The following TRPM6 variants were observed in gnomAD, a reference collection of about 807,000 sequenced individuals.
The protein encoded by TRPM6 is transient receptor potential cation channel subfamily M member 6, also known as channel kinase 2.
TRPM6 carries 111 observed loss-of-function variants against 247.6 expected under a neutral mutation model. That is an observed-to-expected ratio of 0.45 (90% CI 0.38 to 0.52). The LOEUF is 0.52. Ranked by LOEUF, TRPM6 falls within the 20% of genes least tolerant of loss-of-function variation. The pLI, the probability that TRPM6 is intolerant of heterozygous loss-of-function variation, is 0.00. For synonymous variants in TRPM6, 892 were observed against 853.8 expected, an observed-to-expected ratio of 1.04 and a Z score of -0.78; for missense variants, 2,126 against 2,421.5, an observed-to-expected ratio of 0.88 and a Z score of 2.56.
chr9:74,881,586 C>T (rs1831365887), intron 1 of TRPM6, among the ~76,000 whole-genome samples: 1 of 152,026 alleles, frequency 6.6e-6, no homozygotes, highest in African/African-American at 2.4e-5. Flanking sequence ...ACCAAATGGA[C>T]CTAATAAATA....
At chr9:74,735,625 A>C (rs1390415370) in intron 36 of TRPM6, among the ~76,000 whole-genome samples, 2 of 152,184 alleles carry the variant, frequency 1.3e-5, no homozygotes, top group African/African-American at 4.8e-5. Flanking sequence ...CAATGAGCTA[A>C]AAAAATGCTA....
intron 28 of TRPM6, among the ~76,000 whole-genome samples, chr9:74,752,855 G>A: frequency 6.6e-6 from 1 of 152,280 alleles, no homozygotes; most frequent in African/African-American, 2.4e-5. Flanking sequence ...GCTCACACCT[G>A]TAATCCCAAC....
chr9:74,762,039 G>T lies in TRPM6; in HGVS notation c.4632C>A (p.Phe1544Leu). The T allele has an allele frequency of 6.2e-7, 1 of 1,614,008 alleles. No individual in the cohort carries two copies. The highest frequency in any genetic ancestry group is 8.5e-7 in the Non-Finnish European group (1 of 1,179,986). The change falls in exon 26 of 39, where the codon TTC (phenylalanine) becomes TTA (leucine). Residue 1544 changes from phenylalanine (F) to leucine (L), a missense_variant. Phe to Leu is a conservative substitution (Grantham distance 22). Coordinates refer to ENST00000360774, the MANE Select transcript of TRPM6 (RefSeq NM_017662.5). ...TCTTCATCAATTTCTCCTCCTTATG[G>T]AATCTAAAACTATGACTCCTAGCGA... ...RPFARSHSFR[F>L]HKEEKLMKIC...
chr9:74,858,320 G>A (rs943543529), intron 2 of TRPM6, among the ~76,000 whole-genome samples: 1 of 152,234 alleles, frequency 6.6e-6, no homozygotes, highest in Non-Finnish European at 1.5e-5. Context: ...CCAGGAGGTG[G>A]AGGTTGCAGT....
chr9:74,836,070 T>C (rs901051848), intron 5 of TRPM6, among the ~76,000 whole-genome samples: 2 of 152,314 alleles, frequency 1.3e-5, no homozygotes, highest in African/African-American at 4.8e-5. Flanking sequence ...CAATGATGTA[T>C]ATCCACCATG....
At chr9:74,875,152 C>G (rs796587687) in intron 1 of TRPM6, 16 of 411,742 alleles carry the variant, frequency 3.9e-5, no homozygotes, top group African/African-American at 3.3e-4. Context: ...ATTTTTAAAA[C>G]CACCATCATC....
At chr9:74,787,140 G>C (rs1418536322) in intron 20 of TRPM6, among the ~76,000 whole-genome samples, 1 of 152,144 alleles carries the variant, frequency 6.6e-6, no homozygotes, top group Non-Finnish European at 1.5e-5. Flanking sequence ...TTCAAGACCA[G>C]CCTGGCCAAC....
chr9:74,858,559 A>G, intron 2 of TRPM6, 110 bp downstream of exon 2: 1 of 648,938 alleles, frequency 1.5e-6, no homozygotes, highest in Non-Finnish European at 2.6e-6. Context: ...TGAAAATTCT[A>G]ACTTTATAGA....
At position 74,744,163 on chromosome 9, in the gene TRPM6, A is replaced by T. The variant is rs1350805854; in HGVS notation, c.5084-18T>A. 1 of 1,613,148 alleles carries T rather than the reference A, an allele frequency of 6.2e-7. No individual in the cohort carries two copies. Among genetic ancestry groups the T allele is most frequent in the Admixed American group, 1.7e-5 (1 of 60,004 alleles). ...TGAGATCTCTGAAATTAGAGAGGAG[A>T]TTGGCATTTTAATTACATGGCTGGA... On this transcript the variant is annotated intron_variant, in intron 31 of 38. Coordinates refer to ENST00000360774, the MANE Select transcript of TRPM6 (RefSeq NM_017662.5).
chr9:74,878,624 A>C (rs916158367), intron 1 of TRPM6, among the ~76,000 whole-genome samples: 4 of 152,212 alleles, frequency 2.6e-5, no homozygotes, highest in African/African-American at 7.2e-5. Context: ...TCTTCAGAAT[A>C]CAATCCCCCC....
At chr9:74,819,361 A>G (rs965982495) in intron 9 of TRPM6, among the ~76,000 whole-genome samples, 1 of 152,004 alleles carries the variant, frequency 6.6e-6, no homozygotes, top group Non-Finnish European at 1.5e-5. Flanking sequence ...TTTTGTTCAT[A>G]GGCTGGCCAT....
At chr9:74,867,025 T>C (rs943053851) in intron 1 of TRPM6, among the ~76,000 whole-genome samples, 2 of 152,218 alleles carry the variant, frequency 1.3e-5, no homozygotes, top group Non-Finnish European at 1.5e-5. Context: ...GAGCACTGTC[T>C]TATGTTTTTG....
intron 33 of TRPM6, among the ~76,000 whole-genome samples, 169 bp from the exon 34 acceptor site, chr9:74,740,178 T>C (rs544230806): frequency 1.3e-5 from 2 of 152,298 alleles, no homozygotes; most frequent in Non-Finnish European, 2.9e-5. Flanking sequence ...TGGCCATGTT[T>C]CCATGTTATT....
chr9:74,886,385 C>G (rs527951992), intron 1 of TRPM6, among the ~76,000 whole-genome samples: 1 of 152,294 alleles, frequency 6.6e-6, no homozygotes, highest in African/African-American at 2.4e-5. Flanking sequence ...AATCTGTATA[C>G]AGGGGGAAAG....
At position 74,776,112 on chromosome 9, in the gene TRPM6, T is replaced by A. The variant is rs766950413; in HGVS notation, c.3210-36A>T. 4 of 1,562,478 alleles carry A rather than the reference T, an allele frequency of 2.6e-6. No individual in the cohort carries two copies. In the Middle Eastern group the frequency reaches 5.0e-4, roughly 196 times the overall value. ...AAGTAAGAGAGGGACAATGTTTTAA[T>A]ATGAAGTCTTGAAAGGTAACAGAGT... On this transcript the variant is annotated intron_variant, in intron 23 of 38. Coordinates refer to ENST00000360774, the MANE Select transcript of TRPM6 (RefSeq NM_017662.5).
In TRPM6 at chr9:74,755,338, G is replaced by T. The variant is rs533569618; in HGVS notation, c.4906+15C>A. The T allele has an allele frequency of 1.9e-6, 3 of 1,613,840 alleles. No homozygotes were observed. Among genetic ancestry groups the T allele is most frequent in the South Asian group, 1.1e-5 (1 of 91,078 alleles). The stretch of plus-strand genomic sequence containing the variant: ...ACCAGGGTTTTTGGGATCCAAAATT[G>T]TAGATGTTACATACCTGTGTGACTA... On this transcript the variant is annotated intron_variant, in intron 28 of 38. Transcript: ENST00000360774.
At position 74,834,090 on chromosome 9, in the gene TRPM6, A is replaced by C. The variant is rs776838239; in HGVS notation, c.577T>G (p.Ser193Ala). 18 of 1,613,994 alleles carry C rather than the reference A, an allele frequency of 1.1e-5. No individual in the cohort carries two copies. The highest frequency in any genetic ancestry group is 1.4e-5 in the Non-Finnish European group (17 of 1,179,988). The change falls in exon 6 of 39, where the codon TCC becomes GCC. Residue 193 changes from serine (S) to alanine (A), a missense_variant. Ser to Ala is a moderately conservative substitution (Grantham distance 99). Transcript: ENST00000360774. ...TTTCTCAAGGAATGAGAGGAATGGGATTTCAAGGCATCCCCAACATGCTTG... is the reference window on the plus strand; with the variant it reads ...TTTCTCAAGGAATGAGAGGAATGGGCTTTCAAGGCATCCCCAACATGCTTG... ...VSKHVGDALK[S>A]HSSHSLRKIW...
intron 29 of TRPM6, among the ~76,000 whole-genome samples, chr9:74,751,602 A>C: frequency 6.6e-6 from 1 of 152,246 alleles, no homozygotes; most frequent in East Asian, 1.9e-4. Flanking sequence ...GGTTAAGCTA[A>C]CTATTCACAC....
intron 13 of TRPM6, among the ~76,000 whole-genome samples, chr9:74,809,648 T>C (rs371373934): frequency 6.6e-6 from 1 of 152,046 alleles, no homozygotes; most frequent in Non-Finnish European, 1.5e-5. Context: ...ACAAACTAAA[T>C]TTACATGAGC....
Sources: gnomAD v4.1 joint callset for allele counts (sites outside exome capture counted in the v4.1 genomes callset) on GRCh38, gnomAD v4.1.1 for gene constraint, MANE v1.5 for transcripts, NCBI Gene and HGNC (gene_info 2026-07-23, HGNC 2026-07-21) for gene names.